Variants in RANBP3 observed in about 807,000 individuals in gnomAD.
RANBP3 encodes RAN binding protein 3.
In RANBP3, 14 loss-of-function variants were observed where a neutral mutation model predicts 77.3. That is an observed-to-expected ratio of 0.18 (90% CI 0.12 to 0.28). The LOEUF (loss-of-function observed/expected upper bound fraction) is 0.28, where lower values mean the gene tolerates loss of function less well. RANBP3 is among the 10% of genes least tolerant of loss of function. The pLI is 1.00. For synonymous variants in RANBP3, 315 were observed against 312.4 expected (o/e 1.01, Z -0.09); for missense variants, 586 against 752.3 (o/e 0.78, Z 2.59).
intron 6 of RANBP3, 49 bp from the exon 7 acceptor site, chr19:5,932,593 C>A: frequency 6.7e-7 from 1 of 1,492,352 alleles, no homozygotes; most frequent in Non-Finnish European, 9.3e-7. Flanking sequence ...CCTGCCTGCC[C>A]CCAGGCGCTT....
chr19:5,920,228 T>C (rs2057800281), intron 14 of RANBP3, among the ~76,000 whole-genome samples: 1 of 152,138 alleles, frequency 6.6e-6, no homozygotes, highest in Non-Finnish European at 1.5e-5. Flanking sequence ...GAGACCTGTC[T>C]TTATAAAGAC....
At chr19:5,967,775 C>T (rs184338189) in intron 1 of RANBP3, among the ~76,000 whole-genome samples, 4 of 152,154 alleles carry the variant, frequency 2.6e-5, no homozygotes, top group Admixed American at 1.3e-4. Flanking sequence ...AATCCCAGCA[C>T]GTTGGGAGGC....
At chr19:5,926,840 C>T (rs570340082) in intron 9 of RANBP3, among the ~76,000 whole-genome samples, 6 of 152,248 alleles carry the variant, frequency 3.9e-5, no homozygotes, top group African/African-American at 1.2e-4. Context: ...CCACGTTTCT[C>T]GACTTGGGCT....
chr19:5,951,930 C>T (rs144294590), intron 2 of RANBP3, among the ~76,000 whole-genome samples: 31 of 152,190 alleles, frequency 2.0e-4, no homozygotes, highest in South Asian at 1.0e-3. Flanking sequence ...GGGACAGGGA[C>T]GATCATGCAA....
At position 5,917,816 on chromosome 19, in the gene RANBP3, A is replaced by G; in HGVS notation, c.1638T>C (p.Ala546=). The change falls in exon 16 of 17, where the codon GCT becomes GCC. Residue 546 remains alanine, a synonymous_variant. Transcript: ENST00000340578. ...CACCAGCTGCGGTGGCCCCTGAAGG[A>G]GCCAGGACATCGTCATCGTCGCTGT... ...EDDSDDDDVL[A]PSGATAAGAG... The G allele has an allele frequency of 6.2e-7, 1 of 1,611,662 alleles. No individual in the cohort carries two copies. The highest frequency in any genetic ancestry group is 8.5e-7 in the Non-Finnish European group (1 of 1,179,330).
At chr19:5,961,701 C>G (rs1373968836) in intron 1 of RANBP3, among the ~76,000 whole-genome samples, 2 of 152,060 alleles carry the variant, frequency 1.3e-5, no homozygotes, top group Non-Finnish European at 1.5e-5. Context: ...CCATTGCACT[C>G]CAGCCTGGGC....
chr19:5,924,366 T>TC lies in RANBP3; in HGVS notation c.997-453dup, dbSNP rs1220622422. Reference sequence around the variant, plus strand: ...GTAGGCAAACCATTCTAGAACCCTCTCCCAGGCTGGCTGGGCTCCTGGGAA... The same window carrying TC: ...GTAGGCAAACCATTCTAGAACCCTCTCCCCAGGCTGGCTGGGCTCCTGGGAA... On this transcript the variant is annotated intron_variant, in intron 11 of 16. Coordinates refer to ENST00000340578, the MANE Select transcript of RANBP3 (RefSeq NM_007322.3). The surrounding 1 kb of genome is among the most constrained non-coding windows in gnomAD (Gnocchi z 4.7). 4.6e-5 allele frequency among the ~76,000 whole-genome samples: 7 copies of TC among 152,312 alleles called. No homozygotes were observed. In the East Asian group the frequency reaches 1.3e-3, roughly 29 times the overall value.
At chr19:5,930,123 C>T (rs551370910) in intron 8 of RANBP3, among the ~76,000 whole-genome samples, 7 of 152,190 alleles carry the variant, frequency 4.6e-5, no homozygotes, top group Admixed American at 2.0e-4. Flanking sequence ...TGGGAGATGG[C>T]GGGACGGGCT....
chr19:5,934,845 A>C (rs546859736), intron 5 of RANBP3, among the ~76,000 whole-genome samples: 118 of 152,308 alleles, frequency 7.7e-4, no homozygotes, highest in African/African-American at 2.8e-3. Context: ...AAACAAAACA[A>C]AAACATTGTT....
In RANBP3 at chr19:5,917,478, A is replaced by G; in HGVS notation, c.*132T>C. On this transcript the variant is annotated 3_prime_UTR_variant, in exon 17 of 17. Coordinates refer to ENST00000340578, the MANE Select transcript of RANBP3 (RefSeq NM_007322.3). ...GCTTTTGAACAGGACGTGCGGGTCC[A>G]GACTGTGGCCGGCCCAGTGGGGTGT... The G allele has an allele frequency of 9.4e-7, 1 of 1,059,762 alleles. No individual in the cohort carries two copies. The highest frequency in any genetic ancestry group is 1.3e-6 in the Non-Finnish European group (1 of 748,450). 65.6% of individuals were successfully genotyped at this position (1,059,762 alleles called of 1,614,324 possible).
intron 1 of RANBP3, among the ~76,000 whole-genome samples, chr19:5,969,678 G>A (rs1265958568): frequency 1.3e-5 from 2 of 152,258 alleles, no homozygotes; most frequent in Non-Finnish European, 2.9e-5. Flanking sequence ...GCTGGAGACA[G>A]GCGCACTGGC....
intron 9 of RANBP3, among the ~76,000 whole-genome samples, 182 bp downstream of exon 9, chr19:5,927,786 T>C (rs2057932163): frequency 6.6e-6 from 1 of 152,132 alleles, no homozygotes; most frequent in Non-Finnish European, 1.5e-5. Flanking sequence ...GGTGGGGAAG[T>C]GCCAGGGCCC....
chr19:5,937,068 A>AAAAAAAAAAAAAAAAAAAAAAAAG (rs2058075531), intron 5 of RANBP3, among the ~76,000 whole-genome samples: 1 of 146,830 alleles, frequency 6.8e-6, no homozygotes, highest in African/African-American at 2.5e-5. Flanking sequence ...AAAAAAAAAA[A>AAAAAAAAAAAAAAAAAAAAAAAAG]AAAAAAAAAA....
chr19:5,977,773 G>A (rs555802806), intron 1 of RANBP3, among the ~76,000 whole-genome samples: 1 of 152,302 alleles, frequency 6.6e-6, no homozygotes, highest in Non-Finnish European at 1.5e-5. Context: ...CTTCAGCCCC[G>A]AGCTTGGCTG....
At chr19:5,950,292 C>A (rs566181042) in intron 3 of RANBP3, among the ~76,000 whole-genome samples, 2 of 152,314 alleles carry the variant, frequency 1.3e-5, no homozygotes, top group South Asian at 4.1e-4. Flanking sequence ...CTACCCCAAA[C>A]CCACTTTTGT....
At chr19:5,918,393 T>TCCCCCCCCCC in intron 15 of RANBP3, 103 bp downstream of exon 15, 2 of 143,368 alleles carry the variant, frequency 1.4e-5, no homozygotes, top group South Asian at 8.9e-5. Flanking sequence ...CTGAAGCCCC[T>TCCCCCCCCCC]CCCCCCTCCC....
chr19:5,977,618 T>C (rs1043888036), intron 1 of RANBP3, among the ~76,000 whole-genome samples: 30 of 143,234 alleles, frequency 2.1e-4, no homozygotes, highest in African/African-American at 7.7e-4. Flanking sequence ...GCTTAGGAGA[T>C]AGGCAGCCAG....
chr19:5,945,314 ACT>A (rs2058190329), intron 3 of RANBP3, among the ~76,000 whole-genome samples: 1 of 150,850 alleles, frequency 6.6e-6, no homozygotes, highest in South Asian at 2.1e-4. Flanking sequence ...TCCACACCTA[ACT>A]CTCTGGCTCA....
At chr19:5,923,140 G>A in intron 13 of RANBP3, 54 bp downstream of exon 13, 1 of 1,461,616 alleles carries the variant, frequency 6.8e-7, no homozygotes. Flanking sequence ...CTTGCGGTTG[G>A]ACCCCCAGGT....
Sources: gnomAD v4.1 joint callset for allele counts (sites outside exome capture counted in the v4.1 genomes callset) on GRCh38, gnomAD v4.1.1 for gene constraint, Gnocchi (gnomAD v3.1) non-coding constraint, MANE v1.5 for transcripts, NCBI Gene and HGNC (gene_info 2026-07-23, HGNC 2026-07-21) for gene names.